The following BRINP1 variants were observed in gnomAD, a reference collection of about 807,000 sequenced individuals.
BRINP1 encodes BMP/retinoic acid inducible neural specific 1, also known as BMP/retinoic acid-inducible neural-specific protein 1.
Under a neutral mutation model 72.9 loss-of-function variants are expected in BRINP1, and 17 were observed. The observed-to-expected ratio is 0.23, with a 90% confidence interval of 0.16 to 0.35. BRINP1 has a LOEUF of 0.35. Among genes scored for constraint, BRINP1 ranks in the 10% least tolerant of loss-of-function variants. The pLI is 1.00. For missense variants in BRINP1, 850 were observed against 1,001.6 expected, an observed-to-expected ratio of 0.85 and a Z score of 2.04; for synonymous variants, 418 against 378.5, an observed-to-expected ratio of 1.10 and a Z score of -1.21.
intron 7 of BRINP1, among the ~76,000 whole-genome samples, chr9:119,170,058 C>A (rs1455611053): frequency 2.0e-5 from 3 of 152,174 alleles, no homozygotes; most frequent in Non-Finnish European, 4.4e-5. Context: ...ACCGGAAACT[C>A]TAAAAAGCAG....
chr9:119,235,558 T>C (rs1185879661), intron 5 of BRINP1, among the ~76,000 whole-genome samples: 2 of 152,308 alleles, frequency 1.3e-5, no homozygotes, highest in East Asian at 1.9e-4. Flanking sequence ...TTATTATGCC[T>C]ACTCTTGTTT....
intron 7 of BRINP1, among the ~76,000 whole-genome samples, chr9:119,171,861 A>T (rs1829414551): frequency 3.4e-5 from 4 of 118,630 alleles, no homozygotes; most frequent in Non-Finnish European, 1.7e-5. Flanking sequence ...TGGAAACTGA[A>T]CAACCTGCTC....
intron 2 of BRINP1, among the ~76,000 whole-genome samples, chr9:119,304,089 A>G (rs1275733579): frequency 3.3e-5 from 5 of 152,008 alleles, no homozygotes; most frequent in African/African-American, 9.7e-5. Flanking sequence ...CATGTTGGCC[A>G]GTCCGGTCTC....
At chr9:119,201,850 T>G (rs138893539) in intron 7 of BRINP1, among the ~76,000 whole-genome samples, 6 of 152,218 alleles carry the variant, frequency 3.9e-5, no homozygotes, top group Admixed American at 2.0e-4. Flanking sequence ...AATTCAGCAT[T>G]GCCCAAGATG....
intron 1 of BRINP1, among the ~76,000 whole-genome samples, chr9:119,324,501 G>A (rs1400534374): frequency 6.6e-6 from 1 of 152,096 alleles, no homozygotes; most frequent in African/African-American, 2.4e-5. Context: ...AATAATTCAA[G>A]ACAACACAAA....
intron 1 of BRINP1, among the ~76,000 whole-genome samples, chr9:119,325,016 C>CTTTTT (rs1330891126): frequency 3.3e-5 from 5 of 151,980 alleles, no homozygotes; most frequent in Non-Finnish European, 7.4e-5. Flanking sequence ...AAGAGAATTG[C>CTTTTT]TTGAACCAGG....
At chr9:119,332,989 G>A (rs1203482964) in intron 1 of BRINP1, among the ~76,000 whole-genome samples, 1 of 152,116 alleles carries the variant, frequency 6.6e-6, no homozygotes, top group Non-Finnish European at 1.5e-5. Context: ...AAAGTAACTT[G>A]TTCAAAGTCA....
At chr9:119,288,780 T>G (rs1830792293) in intron 2 of BRINP1, among the ~76,000 whole-genome samples, 1 of 152,018 alleles carries the variant, frequency 6.6e-6, no homozygotes, top group South Asian at 2.1e-4. Context: ...TTTGTTTGTT[T>G]GTTTTTTGTT....
At chr9:119,209,048 T>A (rs916742219) in intron 6 of BRINP1, 107 bp from the exon 7 acceptor site, 2 of 900,154 alleles carry the variant, frequency 2.2e-6, no homozygotes, top group East Asian at 2.6e-5. Context: ...CCTGCAAACA[T>A]AATTTTTTTT....
intron 1 of BRINP1, among the ~76,000 whole-genome samples, chr9:119,355,078 C>T (rs1221345427): frequency 6.6e-6 from 1 of 152,144 alleles, no homozygotes; most frequent in Non-Finnish European, 1.5e-5. Flanking sequence ...CTCACTGATC[C>T]CCCATATCCC....
chr9:119,338,054 G>A (rs765172094), intron 1 of BRINP1, among the ~76,000 whole-genome samples: 2 of 152,124 alleles, frequency 1.3e-5, no homozygotes, highest in Admixed American at 1.3e-4. Flanking sequence ...TTGAAATAAA[G>A]ATACTGGCTT....
At chr9:119,296,899 G>A (rs966174100) in intron 2 of BRINP1, among the ~76,000 whole-genome samples, 1 of 147,466 alleles carries the variant, frequency 6.8e-6, no homozygotes, top group African/African-American at 2.4e-5. Context: ...GGGTACGAAC[G>A]AAGTTTCTGT....
At chr9:119,360,485 GCT>G (rs1220349395) in intron 1 of BRINP1, among the ~76,000 whole-genome samples, 2 of 151,610 alleles carry the variant, frequency 1.3e-5, no homozygotes, top group East Asian at 2.0e-4. Flanking sequence ...CTCTTTCACA[GCT>G]CTCTGTTTGC....
At chr9:119,251,764 G>A (rs1393688271) in intron 2 of BRINP1, among the ~76,000 whole-genome samples, 2 of 152,088 alleles carry the variant, frequency 1.3e-5, no homozygotes, top group African/African-American at 4.8e-5. Flanking sequence ...TGTGGGCATG[G>A]GGGAAAGACC....
chr9:119,351,073 C>A (rs931567381), intron 1 of BRINP1, among the ~76,000 whole-genome samples: 2 of 152,090 alleles, frequency 1.3e-5, no homozygotes, highest in African/African-American at 4.8e-5. Flanking sequence ...TGTCTTGCCC[C>A]CCAACCCCCG....
At chr9:119,345,074 A>G (rs945923591) in intron 1 of BRINP1, among the ~76,000 whole-genome samples, 4 of 152,242 alleles carry the variant, frequency 2.6e-5, no homozygotes, top group African/African-American at 9.6e-5. Context: ...CTCTGGGAAC[A>G]AGTGAAATCG....
At chr9:119,235,734 A>G (rs1044940415) in intron 5 of BRINP1, among the ~76,000 whole-genome samples, 1 of 152,150 alleles carries the variant, frequency 6.6e-6, no homozygotes, top group South Asian at 2.1e-4. Context: ...CCTGGGGTCT[A>G]GTATTGGCTT....
chr9:119,235,390 C>T (rs751385527), intron 5 of BRINP1, among the ~76,000 whole-genome samples: 1 of 152,114 alleles, frequency 6.6e-6, no homozygotes, highest in Non-Finnish European at 1.5e-5. Flanking sequence ...CATAAAGATC[C>T]TCTGTCTGCC....
rs143841435 is a variant in BRINP1, at chr9:119,289,713, T to C, written c.218+23425A>G. The stretch of plus-strand genomic sequence containing the variant: ...TACTGCCTGTCCCACCAGTTACTCA[T>C]TCTAAGTTCTCCTCAACTCAGAAAC... On this transcript the variant is annotated intron_variant, in intron 2 of 7. Coordinates refer to ENST00000265922, the MANE Select transcript of BRINP1 (RefSeq NM_014618.3). 2.2e-3 allele frequency among the ~76,000 whole-genome samples: 338 copies of C among 152,346 alleles called. 2 individuals carry two copies. The highest frequency in any genetic ancestry group is 7.8e-3 in the African/African-American group (326 of 41,590).
Sources: allele counts gnomAD v4.1 joint callset (sites outside exome capture counted in the v4.1 genomes callset), GRCh38; gene constraint gnomAD v4.1.1; transcripts MANE v1.5; gene names NCBI Gene and HGNC (gene_info 2026-07-23, HGNC 2026-07-21).